The following ROBO2 variants were observed in gnomAD, a reference collection of about 807,000 sequenced individuals.
ROBO2 encodes roundabout guidance receptor 2.
In ROBO2, 53 loss-of-function variants were observed where a neutral mutation model predicts 160.8. The ratio of observed to expected loss-of-function variants is 0.33; its 90% CI spans 0.26 to 0.41. The LOEUF (loss-of-function observed/expected upper bound fraction) is 0.41. ROBO2 is among the 10% of genes least tolerant of loss of function. The pLI is 1.00. For missense variants in ROBO2, 1,577 were observed against 1,722.4 expected, an observed-to-expected ratio of 0.92 and a Z score of 1.49; for synonymous variants, 664 against 611.7, an observed-to-expected ratio of 1.09 and a Z score of -1.26.
chr3:76,733,204 A>G (rs996536308), intron 2 of ROBO2, among the ~76,000 whole-genome samples: 1 of 152,220 alleles, frequency 6.6e-6, no homozygotes, highest in Admixed American at 6.5e-5. Flanking sequence ...CCTGCCCAGA[A>G]GGAAAAAAAT....
intron 10 of ROBO2, 97 bp from the exon 12 acceptor site, chr3:77,563,070 T>G (rs897178478): frequency 9.0e-7 from 1 of 1,112,618 alleles, no homozygotes; most frequent in Non-Finnish European, 1.4e-6. Context: ...TTTCTCACTG[T>G]CTAGGTCAGG....
chr3:75,981,695 C>T (rs1051662629), intron 2 of ROBO2, among the ~76,000 whole-genome samples: 4 of 151,170 alleles, frequency 2.6e-5, no homozygotes, highest in Admixed American at 6.6e-5. Context: ...TTGATACAAG[C>T]ATGCAATGTG....
intron 1 of ROBO2, 64 bp downstream of exon 1, chr3:77,040,910 C>A (rs1367449368): frequency 1.3e-6 from 2 of 1,499,092 alleles, no homozygotes; most frequent in Non-Finnish European, 1.8e-6. Flanking sequence ...AAAACCATTT[C>A]TTTTTGAATT....
intron 2 of ROBO2, among the ~76,000 whole-genome samples, chr3:77,019,571 A>G (rs1374805623): frequency 6.6e-6 from 1 of 152,214 alleles, no homozygotes; most frequent in Non-Finnish European, 1.5e-5. Flanking sequence ...TGGGCCTTGA[A>G]TGGAATGAAA....
chr3:77,385,351 G>T (rs59084713), intron 2 of ROBO2, among the ~76,000 whole-genome samples: 5,840 of 152,180 alleles, frequency 0.038, 383 homozygotes, highest in African/African-American at 0.13. Context: ...TTATTTGCTT[G>T]TTTTAAAATA....
intron 2 of ROBO2, among the ~76,000 whole-genome samples, chr3:76,158,848 A>C (rs1452676938): frequency 6.6e-6 from 1 of 152,184 alleles, no homozygotes; most frequent in Admixed American, 6.6e-5. Flanking sequence ...ATACAGTTAT[A>C]TTATAAAGTC....
chr3:76,412,545 T>G (rs1418710030), intron 2 of ROBO2, among the ~76,000 whole-genome samples: 2 of 152,104 alleles, frequency 1.3e-5, no homozygotes. Context: ...AGGTATCGGG[T>G]AAATACAGCC....
intron 1 of ROBO2, among the ~76,000 whole-genome samples, chr3:75,924,721 C>A (rs1240847821): frequency 9.5e-6 from 1 of 104,968 alleles, no homozygotes; most frequent in Admixed American, 1.4e-4. Context: ...TGTAGTCTTG[C>A]TCTGTGGCTC....
At chr3:76,885,530 C>A (rs1372916764) in intron 2 of ROBO2, among the ~76,000 whole-genome samples, 2 of 152,172 alleles carry the variant, frequency 1.3e-5, no homozygotes, top group Non-Finnish European at 2.9e-5. Flanking sequence ...ATGATTCCTA[C>A]TGAAACTATT....
chr3:76,793,671 C>T (rs190317461), intron 2 of ROBO2, among the ~76,000 whole-genome samples: 35 of 151,792 alleles, frequency 2.3e-4, no homozygotes, highest in Admixed American at 2.0e-3. Context: ...CATATGTATA[C>T]ATGTGCCATG....
intron 2 of ROBO2, among the ~76,000 whole-genome samples, chr3:76,085,249 A>G (rs1208257128): frequency 6.6e-6 from 1 of 152,046 alleles, no homozygotes; most frequent in Non-Finnish European, 1.5e-5. Context: ...AAACCAATTC[A>G]TTCTCAAAGA....
At chr3:76,773,322 T>C (rs1215740076) in intron 2 of ROBO2, among the ~76,000 whole-genome samples, 1 of 151,006 alleles carries the variant, frequency 6.6e-6, no homozygotes, top group African/African-American at 2.4e-5. Context: ...TGTGACTTCA[T>C]GAAGGATTTT....
At chr3:76,049,382 A>AGTGT (rs138348207) in intron 2 of ROBO2, among the ~76,000 whole-genome samples, 32,446 of 79,948 alleles carry the variant, frequency 0.41, 7,552 homozygotes, top group Non-Finnish European at 0.45. Flanking sequence ...GGCTAATTTT[A>AGTGT]GTATATATAT....
chr3:77,154,818 G>A (rs1456642797), intron 2 of ROBO2, among the ~76,000 whole-genome samples: 3 of 151,884 alleles, frequency 2.0e-5, no homozygotes, highest in South Asian at 4.1e-4. Flanking sequence ...TAAACACTGG[G>A]TACTCAGGTA....
intron 2 of ROBO2, among the ~76,000 whole-genome samples, chr3:77,405,789 A>G (rs1012644361): frequency 2.0e-5 from 3 of 152,190 alleles, no homozygotes; most frequent in Non-Finnish European, 4.4e-5. Flanking sequence ...ATATAATTTG[A>G]TAGTGCAGAG....
chr3:77,265,853 C>T (rs1304030742), intron 2 of ROBO2, among the ~76,000 whole-genome samples: 13 of 152,110 alleles, frequency 8.5e-5, no homozygotes, highest in African/African-American at 2.2e-4. Context: ...TAATTAATTA[C>T]GTTTTACATC....
chr3:76,158,707 C>T (rs981485613), intron 2 of ROBO2, among the ~76,000 whole-genome samples: 4 of 152,090 alleles, frequency 2.6e-5, no homozygotes, highest in African/African-American at 9.7e-5. Context: ...CATTGTCCCG[C>T]TTCCTTTCTG....
chr3:77,564,879 T>A (rs1463792051), intron 11 of ROBO2, 75 bp from the exon 13 acceptor site: 3 of 1,342,414 alleles, frequency 2.2e-6, no homozygotes, highest in Non-Finnish European at 3.1e-6. Context: ...CCATTAACCT[T>A]TGTCATTGAT....
At chr3:76,501,621 G>C (rs983977284) in intron 2 of ROBO2, among the ~76,000 whole-genome samples, 1 of 152,164 alleles carries the variant, frequency 6.6e-6, no homozygotes, top group African/African-American at 2.4e-5. Flanking sequence ...ATAGGTGACA[G>C]AGCCAGAATT....
Sources: allele counts gnomAD v4.1 joint callset (sites outside exome capture counted in the v4.1 genomes callset), GRCh38; gene constraint gnomAD v4.1.1; transcripts MANE v1.5; gene names NCBI Gene and HGNC (gene_info 2026-07-23, HGNC 2026-07-21).